Variants in MAPRE2 observed in about 807,000 individuals in gnomAD.
MAPRE2 encodes microtubule associated protein RP/EB family member 2, also known as microtubule-associated protein RP/EB family member 2.
MAPRE2 carries 13 observed loss-of-function variants against 43.2 expected under a neutral mutation model. The ratio of observed to expected loss-of-function variants is 0.30; its 90% confidence interval spans 0.20 to 0.48. The LOEUF (loss-of-function observed/expected upper bound fraction) is 0.48, where lower values mean the gene tolerates loss of function less well. Among genes scored for constraint, MAPRE2 ranks in the 20% least tolerant of loss-of-function variants. The pLI is 0.99. For synonymous variants in MAPRE2, 135 were observed against 148.8 expected (o/e 0.91, Z 0.68); for missense variants, 161 against 400.2 (o/e 0.40, Z 5.10).
At chr18:35,036,985 G>C (rs1327478563), upstream of MAPRE2, among the ~76,000 whole-genome samples, 1 of 152,134 alleles carries the variant, frequency 6.6e-6, no homozygotes, top group Admixed American at 6.5e-5. Flanking sequence ...AAGATTTTAG[G>C]TGTACTTTTC....
intron 1 of MAPRE2, among the ~76,000 whole-genome samples, chr18:35,056,322 A>G (rs1906231049): frequency 6.6e-6 from 1 of 152,204 alleles, no homozygotes; most frequent in African/African-American, 2.4e-5. Flanking sequence ...GCTTATTATT[A>G]TAACAATAGC....
chr18:35,142,183 G>A lies in MAPRE2; in HGVS notation c.*1814G>A, dbSNP rs931789960. ...CCTGGTCACAAGTAGTAGTGGCTGTGCTATACCCAGCATCATGCTTAACAG... is the reference window on the plus strand; with the variant it reads ...CCTGGTCACAAGTAGTAGTGGCTGTACTATACCCAGCATCATGCTTAACAG... On this transcript the variant is annotated 3_prime_UTR_variant, in exon 7 of 7. Transcript: ENST00000300249. The A allele has an allele frequency of 4.6e-5, 7 of 152,240 alleles. No individual in the cohort carries two copies. The highest frequency in any genetic ancestry group is 3.3e-4 in the Admixed American group (5 of 15,290). 9.4% of individuals were successfully genotyped at this position (152,240 alleles called of 1,614,324 possible).
At chr18:34,998,323 CTTTTTT>C (rs11339291) in intron 1 of MAPRE2, among the ~76,000 whole-genome samples, 1 of 120,738 alleles carries the variant, frequency 8.3e-6, no homozygotes, top group Admixed American at 8.6e-5. Context: ...TTTTCTCTCT[CTTTTTT>C]TTTTTTTTTT....
At chr18:35,070,418 A>T in intron 2 of MAPRE2, 96 bp downstream of exon 2, 1 of 1,087,276 alleles carries the variant, frequency 9.2e-7, no homozygotes, top group Non-Finnish European at 1.3e-6. Flanking sequence ...TTGGGTAGGA[A>T]AAAGTATATA....
intron 6 of MAPRE2, among the ~76,000 whole-genome samples, chr18:35,140,047 T>A (rs561838740): frequency 6.6e-6 from 1 of 152,314 alleles, no homozygotes; most frequent in Admixed American, 6.5e-5. Context: ...AATAGTTGGG[T>A]GCCTAAAGCC....
chr18:35,041,410 T>C (rs1603392958), upstream of MAPRE2: 2 of 1,541,636 alleles, frequency 1.3e-6, no homozygotes, highest in Non-Finnish European at 1.7e-6. Context: ...GAGCGAGAGC[T>C]GGGAGAAGGC....
intron 1 of MAPRE2, among the ~76,000 whole-genome samples, chr18:34,989,188 A>G (rs2097022515): frequency 6.6e-6 from 1 of 152,234 alleles, no homozygotes; most frequent in African/African-American, 2.4e-5. Flanking sequence ...CCCTCATGCA[A>G]CTATTACAAA....
chr18:35,009,520 G>A (rs758389266), intron 2 of MAPRE2, among the ~76,000 whole-genome samples: 2 of 152,142 alleles, frequency 1.3e-5, no homozygotes, highest in African/African-American at 2.4e-5. Context: ...CTTTTGTAAG[G>A]CACAGCCTTC....
chr18:35,008,949 G>GGT (rs149672856), intron 2 of MAPRE2, among the ~76,000 whole-genome samples: 13 of 148,788 alleles, frequency 8.7e-5, no homozygotes, highest in African/African-American at 2.2e-4. Flanking sequence ...AGTGTTTTGG[G>GGT]GTGTGTGTGT....
intron 2 of MAPRE2, among the ~76,000 whole-genome samples, chr18:35,073,575 A>G (rs901998547): frequency 2.6e-5 from 4 of 152,134 alleles, no homozygotes; most frequent in African/African-American, 7.2e-5. Context: ...TGTCAACATC[A>G]TTTCTTACTC....
At chr18:35,085,603 A>G (rs1907839213) in intron 2 of MAPRE2, among the ~76,000 whole-genome samples, 1 of 152,348 alleles carries the variant, frequency 6.6e-6, no homozygotes, top group Admixed American at 6.5e-5. Context: ...TCTTATATTA[A>G]CTATGACAAA....
chr18:35,021,906 T>A (rs1404064292), intron 2 of MAPRE2, among the ~76,000 whole-genome samples: 2 of 152,064 alleles, frequency 1.3e-5, no homozygotes, highest in African/African-American at 4.8e-5. Context: ...TCCACCCTCA[T>A]GAAATTTCAG....
chr18:35,083,140 T>C (rs1260382471), intron 2 of MAPRE2, among the ~76,000 whole-genome samples: 1 of 152,198 alleles, frequency 6.6e-6, no homozygotes, highest in Non-Finnish European at 1.5e-5. Context: ...GATTCTTACC[T>C]TCTACTCAAG....
intron 2 of MAPRE2, among the ~76,000 whole-genome samples, chr18:35,083,012 G>A (rs1415635766): frequency 2.0e-5 from 3 of 152,018 alleles, no homozygotes; most frequent in African/African-American, 7.2e-5. Flanking sequence ...AGTATTTGCT[G>A]GTTTGTTTAA....
chr18:34,987,835 G>C (rs1210152088), intron 1 of MAPRE2, among the ~76,000 whole-genome samples: 2 of 152,006 alleles, frequency 1.3e-5, no homozygotes, highest in African/African-American at 4.8e-5. Flanking sequence ...TAGAGACGGG[G>C]TTTCACCATG....
intron 2 of MAPRE2, among the ~76,000 whole-genome samples, chr18:35,030,162 T>C (rs949893517): frequency 1.3e-5 from 2 of 152,094 alleles, no homozygotes; most frequent in African/African-American, 4.8e-5. Context: ...AATTTACAGC[T>C]CCTCTCCCTC....
chr18:35,099,306 T>C (rs1246477278), intron 3 of MAPRE2, among the ~76,000 whole-genome samples: 1 of 152,158 alleles, frequency 6.6e-6, no homozygotes, highest in African/African-American at 2.4e-5. Flanking sequence ...TAAAAGTGAT[T>C]AAATAATACA....
intron 2 of MAPRE2, among the ~76,000 whole-genome samples, chr18:35,026,118 A>T (rs2097044978): frequency 6.6e-6 from 1 of 152,136 alleles, no homozygotes; most frequent in Admixed American, 6.5e-5. Flanking sequence ...GAGACTCATG[A>T]GGTAGGTGAG....
chr18:35,053,537 G>A (rs543613810), intron 1 of MAPRE2, among the ~76,000 whole-genome samples: 1 of 152,070 alleles, frequency 6.6e-6, no homozygotes, highest in South Asian at 2.1e-4. Flanking sequence ...CATTTGGGAG[G>A]TAGTCTTGGT....
Sources: gnomAD v4.1 joint callset for allele counts (sites outside exome capture counted in the v4.1 genomes callset) on GRCh38, gnomAD v4.1.1 for gene constraint, MANE v1.5 for transcripts, NCBI Gene and HGNC (gene_info 2026-07-23, HGNC 2026-07-21) for gene names.